ZDHHC21: variants seen among roughly 807,000 people sequenced by gnomAD.
The protein encoded by ZDHHC21 is zDHHC palmitoyltransferase 21, also known as palmitoyltransferase ZDHHC21.
ZDHHC21 carries 15 observed loss-of-function variants against 34.6 expected under a neutral mutation model. That is an observed-to-expected ratio of 0.43 (90% CI 0.29 to 0.67). ZDHHC21 has a LOEUF of 0.67. Ranked by LOEUF, ZDHHC21 falls within the 30% of genes least tolerant of loss-of-function variation. The probability of loss-of-function intolerance (pLI) is 0.14; values close to 1 mark genes in which losing one functional copy is unlikely to be tolerated. For synonymous variants in ZDHHC21, 142 were observed against 101.8 expected (o/e 1.40, Z -2.38); for missense variants, 344 against 327.7 (o/e 1.05, Z -0.38).
intron 2 of ZDHHC21, among the ~76,000 whole-genome samples, chr9:14,682,826 CAACA>C (rs1403926460): frequency 2.6e-5 from 4 of 152,094 alleles, no homozygotes; most frequent in Non-Finnish European, 5.9e-5. Context: ...ACAGAAATTA[CAACA>C]AACTATCTCT....
intron 5 of ZDHHC21, among the ~76,000 whole-genome samples, chr9:14,664,178 G>C (rs917273300): frequency 2.0e-5 from 3 of 150,736 alleles, no homozygotes; most frequent in African/African-American, 7.3e-5. Flanking sequence ...GAAGCAGGGC[G>C]AGGCATTGCC....
intron 7 of ZDHHC21, among the ~76,000 whole-genome samples, chr9:14,646,486 T>G (rs1311108706): frequency 6.6e-6 from 1 of 151,982 alleles, no homozygotes; most frequent in Admixed American, 6.6e-5. Context: ...AGACAAAAAT[T>G]TGTCAAATAA....
intron 7 of ZDHHC21, among the ~76,000 whole-genome samples, chr9:14,652,733 C>T (rs946187202): frequency 9.9e-5 from 15 of 151,932 alleles, no homozygotes; most frequent in South Asian, 4.1e-4. Context: ...TAACATACAA[C>T]GTACCAGTTT....
At chr9:14,622,831 G>C in intron 8 of ZDHHC21, 3 of 652,592 alleles carry the variant, frequency 4.6e-6, no homozygotes, top group Non-Finnish European at 5.7e-6. Context: ...CCAAACTGCA[G>C]ACCTGAGGAA....
chr9:14,623,660 AGAGAGAG>A (rs1825710037), intron 8 of ZDHHC21, among the ~76,000 whole-genome samples: 2 of 141,804 alleles, frequency 1.4e-5, no homozygotes, highest in African/African-American at 5.2e-5. Flanking sequence ...AAAAAAAAAA[AGAGAGAG>A]AAAACAAAAA....
intron 3 of ZDHHC21, chr9:14,677,439 T>C (rs888549801): frequency 6.6e-6 from 1 of 151,984 alleles, no homozygotes; most frequent in African/African-American, 2.4e-5. Context: ...ACTCAATTAA[T>C]ATCTACCAGG....
At chr9:14,662,365 G>T in intron 5 of ZDHHC21, 39 bp from the exon 6 acceptor site, 1 of 1,472,314 alleles carries the variant, frequency 6.8e-7, no homozygotes, top group Non-Finnish European at 9.3e-7. Context: ...ATGAAGGCAA[G>T]TGGGTAATGC....
intron 7 of ZDHHC21, among the ~76,000 whole-genome samples, chr9:14,652,425 G>C (rs1207291111): frequency 6.6e-6 from 1 of 151,752 alleles, no homozygotes; most frequent in Admixed American, 6.6e-5. Context: ...CTCAACAAAA[G>C]ATAAATTCAA....
rs1469462480 is a variant in ZDHHC21 at position 14,635,301 on chromosome 9, A to T, written c.621+4595T>A. 2.0e-5 allele frequency among the ~76,000 whole-genome samples: 3 copies of T among 152,230 alleles called. No individual in the cohort carries two copies. In the East Asian group the frequency reaches 5.8e-4, roughly 29 times the overall value. Reference sequence around the variant, plus strand: ...AGCTGAAAACTTCTCAAGTCTAGCAAGTGATCAAGACACCTAAGTATAGGA... The same window carrying T: ...AGCTGAAAACTTCTCAAGTCTAGCATGTGATCAAGACACCTAAGTATAGGA... On this transcript the variant is annotated intron_variant, in intron 8 of 9. Transcript: ENST00000380916.
At chr9:14,675,047 T>A (rs1836131188) in intron 3 of ZDHHC21, among the ~76,000 whole-genome samples, 1 of 151,962 alleles carries the variant, frequency 6.6e-6, no homozygotes, top group Admixed American at 6.6e-5. Flanking sequence ...GAAAACTAAT[T>A]ACAAATTGCC....
At chr9:14,608,835 A>C (rs1823105543), downstream of ZDHHC21, among the ~76,000 whole-genome samples, 1 of 152,146 alleles carries the variant, frequency 6.6e-6, no homozygotes, top group African/African-American at 2.4e-5. Context: ...GTTCATCTAC[A>C]GTATCTGGCA....
At chr9:14,627,823 T>C (rs1826561590) in intron 8 of ZDHHC21, among the ~76,000 whole-genome samples, 1 of 152,164 alleles carries the variant, frequency 6.6e-6, no homozygotes, top group Non-Finnish European at 1.5e-5. Flanking sequence ...TTGGTGCTCA[T>C]CAGAATGGAC....
intron 6 of ZDHHC21, 42 bp from the exon 7 acceptor site, chr9:14,658,929 AAGAAGTTC>A (rs748065466): frequency 6.3e-7 from 1 of 1,581,032 alleles, no homozygotes; most frequent in Non-Finnish European, 8.6e-7. Flanking sequence ...TTTAAATTTC[AAGAAGTTC>A]ACCTCAGGAT....
At chr9:14,590,616 A>C in the ZDHHC21 span, among the ~76,000 whole-genome samples, 1 of 152,156 alleles carries the variant, frequency 6.6e-6, no homozygotes, top group South Asian at 2.1e-4. Context: ...GGAGGGGACA[A>C]ACTCCACCAA....
intron 5 of ZDHHC21, among the ~76,000 whole-genome samples, chr9:14,672,506 C>T (rs1587371414): frequency 3.9e-5 from 6 of 152,012 alleles, no homozygotes; most frequent in East Asian, 3.9e-4. Context: ...TGGGCTGGAT[C>T]GCACACCAAC....
At chr9:14,643,114 G>T (rs1587056536) in intron 7 of ZDHHC21, among the ~76,000 whole-genome samples, 1 of 152,140 alleles carries the variant, frequency 6.6e-6, no homozygotes, top group African/African-American at 2.4e-5. Flanking sequence ...GGGTACGGTG[G>T]TGCATGCCTA....
At chr9:14,680,643 AC>A (rs780397777) in intron 2 of ZDHHC21, among the ~76,000 whole-genome samples, 18 of 152,214 alleles carry the variant, frequency 1.2e-4, no homozygotes, top group Non-Finnish European at 1.8e-4. Context: ...GCTTAAAAAA[AC>A]ATACTGTAAA....
At chr9:14,588,959 T>G in the ZDHHC21 span, 3 of 152,116 alleles carry the variant, frequency 2.0e-5, no homozygotes, top group Non-Finnish European at 4.4e-5. Context: ...GAAATTGCTC[T>G]ATAAAAACAA....
At chr9:14,605,979 TA>T in the ZDHHC21 span, among the ~76,000 whole-genome samples, 1 of 152,078 alleles carries the variant, frequency 6.6e-6, no homozygotes, top group East Asian at 1.9e-4. Flanking sequence ...GCATAATAGT[TA>T]AAAAAACAAA....
Sources: gnomAD v4.1 joint callset for allele counts (sites outside exome capture counted in the v4.1 genomes callset) on GRCh38, gnomAD v4.1.1 for gene constraint, MANE v1.5 for transcripts, NCBI Gene and HGNC (gene_info 2026-07-23, HGNC 2026-07-21) for gene names.